The following PDS5B variants were observed in gnomAD, a reference collection of about 807,000 sequenced individuals.
PDS5B encodes the protein PDS5 cohesin associated factor B.
Under a neutral mutation model 184.1 loss-of-function variants are expected in PDS5B, and 51 were observed. That is an observed-to-expected ratio of 0.28 (90% CI 0.22 to 0.35). The LOEUF (loss-of-function observed/expected upper bound fraction) is 0.35, where lower values mean the gene tolerates loss of function less well. PDS5B is among the 10% of genes least tolerant of loss of function. The pLI, the probability that PDS5B is intolerant of heterozygous loss-of-function variation, is 1.00. For synonymous variants in PDS5B, 566 were observed against 569.2 expected (o/e 0.99, Z 0.08); for missense variants, 1,180 against 1,723.3 (o/e 0.68, Z 5.58).
In PDS5B at chr13:32,755,782, G is replaced by C. The variant is rs937284038; in HGVS notation, c.2942-60G>C. 3.7e-6 allele frequency: 3 copies of C among 815,012 alleles called. No individual in the cohort carries two copies. In the African/African-American group the frequency reaches 5.2e-5, roughly 14 times the overall value. 50.5% of individuals were successfully genotyped at this position (815,012 alleles called of 1,614,324 possible). A position where few individuals can be genotyped will look rare whatever the true frequency, so the allele number is the denominator to read the frequency against. On this transcript the variant is annotated intron_variant, in intron 25 of 34. Coordinates refer to ENST00000315596, the MANE Select transcript of PDS5B (RefSeq NM_015032.4). ...TTTCTAACCTGGATATTTTTGTTTT[G>C]TTTTGTTTTTTGCTTTTTCTTTTGT... is the stretch of plus-strand genomic sequence containing the variant.
intron 22 of PDS5B, 119 bp from the exon 23 acceptor site, chr13:32,742,472 A>C: frequency 1.3e-6 from 1 of 763,936 alleles, no homozygotes; most frequent in Non-Finnish European, 2.1e-6. Flanking sequence ...TATACAGAAA[A>C]GAATTTTTTC....
rs538008440 is a variant in PDS5B, at chr13:32,696,210, T to G, written c.1552-644T>G. Among the ~76,000 whole-genome samples the G allele has an allele frequency of 1.8e-3, 268 of 152,236 alleles. 1 individual carries two copies. The highest frequency in any genetic ancestry group is 5.8e-3 in the African/African-American group (242 of 41,580). On this transcript the variant is annotated intron_variant, in intron 14 of 34. Transcript: ENST00000315596. ...GTTCAATGTTTATTTAGCTCAGTAC[T>G]TTAAATACACTTGCTCAATGACTTT...
At chr13:32,747,598 A>AG (rs1293579356) in intron 24 of PDS5B, among the ~76,000 whole-genome samples, 1 of 151,972 alleles carries the variant, frequency 6.6e-6, no homozygotes, top group Admixed American at 6.6e-5. Context: ...AAAAAAAAAA[A>AG]AAAAAAATTT....
At chr13:32,636,608 C>T (rs2058564493) in intron 1 of PDS5B, among the ~76,000 whole-genome samples, 1 of 152,136 alleles carries the variant, frequency 6.6e-6, no homozygotes. Context: ...ACCTCAGTTT[C>T]CTTGTTTATA....
In PDS5B at chr13:32,694,315, A is replaced by T; in HGVS notation, c.1551+11A>T. ...ATTAAGCAACCCAAAGTAAGTAAGA[A>T]TTTTTTCCTTCAATGTTTTTTAAAA... On this transcript the variant is annotated intron_variant, in intron 14 of 34. Coordinates refer to ENST00000315596, the MANE Select transcript of PDS5B (RefSeq NM_015032.4). The T allele has an allele frequency of 6.5e-7, 1 of 1,536,676 alleles. No homozygotes were observed. Among genetic ancestry groups the T allele is most frequent in the Non-Finnish European group, 8.9e-7 (1 of 1,120,842 alleles).
At chr13:32,616,090 G>A (rs995529622) in intron 1 of PDS5B, among the ~76,000 whole-genome samples, 1 of 149,874 alleles carries the variant, frequency 6.7e-6, no homozygotes, top group Non-Finnish European at 1.5e-5. Context: ...TTTTGCTCTT[G>A]GTGCCCAGGC....
intron 7 of PDS5B, among the ~76,000 whole-genome samples, chr13:32,672,034 C>T (rs191386911): frequency 2.9e-4 from 44 of 152,206 alleles, no homozygotes; most frequent in African/African-American, 1.0e-3. Context: ...CTAGTTAGAG[C>T]TAGCTATATG....
chr13:32,610,892 T>C (rs533634773), intron 1 of PDS5B, among the ~76,000 whole-genome samples: 2 of 152,172 alleles, frequency 1.3e-5, no homozygotes, highest in Non-Finnish European at 2.9e-5. Context: ...TCCTCTCCTC[T>C]TAGTATTATA....
chr13:32,759,314 G>T (rs1317060802), intron 28 of PDS5B, among the ~76,000 whole-genome samples: 1 of 152,144 alleles, frequency 6.6e-6, no homozygotes, highest in East Asian at 1.9e-4. Context: ...GGGCTGTCAC[G>T]TTGGTGTGAG....
At chr13:32,618,924 G>A (rs2058256174) in intron 1 of PDS5B, among the ~76,000 whole-genome samples, 1 of 152,152 alleles carries the variant, frequency 6.6e-6, no homozygotes, top group South Asian at 2.1e-4. Context: ...CTTTTCTGCA[G>A]TGATGTGCAG....
chr13:32,661,385 CAAAAAA>C (rs747985772), intron 6 of PDS5B, among the ~76,000 whole-genome samples: 7 of 31,994 alleles, frequency 2.2e-4, no homozygotes, highest in Admixed American at 5.6e-4. Flanking sequence ...GACTCTGTCT[CAAAAAA>C]AAAAAAAAAA....
chr13:32,634,033 C>T (rs1255498570), intron 1 of PDS5B, among the ~76,000 whole-genome samples: 2 of 152,096 alleles, frequency 1.3e-5, no homozygotes, highest in African/African-American at 4.8e-5. Context: ...CTGTTATATC[C>T]TCTCTTCAAA....
At position 32,710,126 on chromosome 13, in the gene PDS5B, A is replaced by C; in HGVS notation, c.2123+20A>C. On this transcript the variant is annotated intron_variant, in intron 19 of 34. Transcript: ENST00000315596. Reference sequence around the variant, plus strand: ...CAGATCGTGAGTTGAGTTTATTTTCAAAAATATTCTGGACATCAGAAACAT... The same window carrying C: ...CAGATCGTGAGTTGAGTTTATTTTCCAAAATATTCTGGACATCAGAAACAT... The C allele has an allele frequency of 1.4e-6, 2 of 1,412,774 alleles. No individual in the cohort carries two copies. The highest frequency in any genetic ancestry group is 1.9e-6 in the Non-Finnish European group (2 of 1,061,042). 87.5% of individuals were successfully genotyped at this position (1,412,774 alleles called of 1,614,324 possible).
intron 18 of PDS5B, among the ~76,000 whole-genome samples, chr13:32,708,641 A>T (rs1412900375): frequency 1.3e-5 from 2 of 152,224 alleles, no homozygotes; most frequent in Non-Finnish European, 2.9e-5. Flanking sequence ...ATACATTTTT[A>T]AAAGATTTGC....
intron 1 of PDS5B, among the ~76,000 whole-genome samples, chr13:32,646,251 C>T (rs1566279583): frequency 6.6e-6 from 1 of 152,148 alleles, no homozygotes; most frequent in South Asian, 2.1e-4. Context: ...AAGTGATCCA[C>T]CTGCCTTAGC....
At position 32,723,865 on chromosome 13, in the gene PDS5B, C is replaced by T. The variant is rs543942355; in HGVS notation, c.2124-8236C>T. Among the ~76,000 whole-genome samples the T allele has an allele frequency of 1.1e-4, 16 of 152,152 alleles. No homozygotes were observed. The South Asian group carries it at 3.3e-3, about 32-fold the overall frequency. Reference sequence around the variant, plus strand: ...TGTTTTAGTTATACTAATTTTTTTCCACGTTATATTATTGAAATTTTCAAA... The same window carrying T: ...TGTTTTAGTTATACTAATTTTTTTCTACGTTATATTATTGAAATTTTCAAA... On this transcript the variant is annotated intron_variant, in intron 19 of 34. Transcript: ENST00000315596.
intron 34 of PDS5B, among the ~76,000 whole-genome samples, chr13:32,774,372 G>A (rs1392055937): frequency 6.6e-6 from 1 of 152,170 alleles, no homozygotes; most frequent in Non-Finnish European, 1.5e-5. Flanking sequence ...CCTCAAATTA[G>A]TTTGGCTTGT....
At chr13:32,599,524 A>G (rs922523742) in intron 1 of PDS5B, among the ~76,000 whole-genome samples, 6 of 151,280 alleles carry the variant, frequency 4.0e-5, no homozygotes, top group African/African-American at 1.5e-4. Context: ...TTGGGCTCCC[A>G]AAGTGCTGGG....
At position 32,694,275 on chromosome 13, in the gene PDS5B, G is replaced by A; in HGVS notation, c.1522G>A (p.Asp508Asn). The A allele has an allele frequency of 1.3e-6, 2 of 1,598,868 alleles. No homozygotes were observed. Among genetic ancestry groups the A allele is most frequent in the Non-Finnish European group, 1.7e-6 (2 of 1,174,298 alleles). Residue 508 changes from aspartate (D) to asparagine (N), a missense_variant, in exon 14 of 35, where the codon GAT becomes AAT. Around this residue, in one of 11 missense-constraint regions of PDS5B, gnomAD observed 475 missense variants for 691.5 expected, o/e 0.69. Coordinates refer to ENST00000315596, the MANE Select transcript of PDS5B (RefSeq NM_015032.4). ...AAATCTGCTCCGACATCAAGTAAAGGATTTGCTTGACTTGATTAAGCAACC... is the reference window on the plus strand; with the variant it reads ...AAATCTGCTCCGACATCAAGTAAAGAATTTGCTTGACTTGATTAAGCAACC... ...CQNLLRHQVK[D>N]LLDLIKQPKT...
Sources: gnomAD v4.1 joint callset for allele counts (sites outside exome capture counted in the v4.1 genomes callset) on GRCh38, gnomAD v4.1.1 for gene constraint, gnomAD v4.1.1 regional missense constraint, MANE v1.5 for transcripts, NCBI Gene and HGNC (gene_info 2026-07-23, HGNC 2026-07-21) for gene names.